Variants in PGCKA1 observed in about 807,000 individuals in gnomAD.
The protein encoded by PGCKA1 is PDCD10 and GCKIII kinases associated 1, also known as PDCD10 and GCKIII kinases-associated protein 1.
At chr4:37,572,765 A>G in the PGCKA1 span, among the ~76,000 whole-genome samples, 31 of 152,286 alleles carry the variant, frequency 2.0e-4, no homozygotes, top group African/African-American at 6.3e-4. Context: ...ATAATTTTAT[A>G]TTTTTAATAA....
chr4:37,464,793 A>G, the PGCKA1 span, among the ~76,000 whole-genome samples: 854 of 152,352 alleles, frequency 5.6e-3, 13 homozygotes, highest in African/African-American at 0.019. Flanking sequence ...AAATGTTTCT[A>G]AATATACCCC....
chr4:37,544,648 T>A, the PGCKA1 span, among the ~76,000 whole-genome samples: 1 of 152,074 alleles, frequency 6.6e-6, no homozygotes, highest in Admixed American at 6.5e-5. Context: ...GGAGCTGTTT[T>A]TTTTGTTCTC....
At chr4:37,578,391 G>A in the PGCKA1 span, among the ~76,000 whole-genome samples, 4 of 152,106 alleles carry the variant, frequency 2.6e-5, no homozygotes, top group Middle Eastern at 3.4e-3. Context: ...GGTTTCCATT[G>A]GCATGGAGCA....
chr4:37,521,284 C>T, the PGCKA1 span, among the ~76,000 whole-genome samples: 1 of 152,168 alleles, frequency 6.6e-6, no homozygotes, highest in South Asian at 2.1e-4. Context: ...AGCCACAGTG[C>T]AGTAGAACAC....
At chr4:37,526,474 G>C in the PGCKA1 span, among the ~76,000 whole-genome samples, 1 of 152,156 alleles carries the variant, frequency 6.6e-6, no homozygotes, top group African/African-American at 2.4e-5. Context: ...ATTTTGTGTA[G>C]ATTTTCTCAT....
the PGCKA1 span, among the ~76,000 whole-genome samples, chr4:37,537,997 C>T: frequency 0.068 from 10,268 of 151,958 alleles, 1,077 homozygotes; most frequent in African/African-American, 0.23. Context: ...CCATCTTCAC[C>T]GTCATCACCA....
At chr4:37,553,853 C>A in the PGCKA1 span, among the ~76,000 whole-genome samples, 1 of 152,214 alleles carries the variant, frequency 6.6e-6, no homozygotes, top group East Asian at 1.9e-4. Flanking sequence ...CAGATAAACA[C>A]TGATGAAACC....
At chr4:37,534,829 C>A in the PGCKA1 span, among the ~76,000 whole-genome samples, 1 of 152,200 alleles carries the variant, frequency 6.6e-6, no homozygotes, top group Non-Finnish European at 1.5e-5. Flanking sequence ...CATTTCCACA[C>A]TTGGGTTTAT....
the PGCKA1 span, among the ~76,000 whole-genome samples, chr4:37,563,639 G>A: frequency 6.6e-6 from 1 of 152,152 alleles, no homozygotes; most frequent in Admixed American, 6.6e-5. Context: ...GGTACTGTAA[G>A]ACTCTGGGAA....
chr4:37,502,216 C>T, the PGCKA1 span, among the ~76,000 whole-genome samples: 4 of 152,196 alleles, frequency 2.6e-5, no homozygotes, highest in East Asian at 1.9e-4. Context: ...GCATCAGGGA[C>T]GGCGGCAGTG....
the PGCKA1 span, among the ~76,000 whole-genome samples, chr4:37,458,557 A>G: frequency 3.3e-3 from 501 of 152,252 alleles, 3 homozygotes; most frequent in African/African-American, 0.01. Context: ...ACCATCGGCC[A>G]TGTCACGTGG....
chr4:37,531,262 C>T, the PGCKA1 span, among the ~76,000 whole-genome samples: 1 of 152,172 alleles, frequency 6.6e-6, no homozygotes, highest in Non-Finnish European at 1.5e-5. Context: ...GCCTCAAAGT[C>T]ACATGACTAT....
the PGCKA1 span, among the ~76,000 whole-genome samples, chr4:37,515,976 C>G: frequency 6.7e-6 from 1 of 150,088 alleles, no homozygotes; most frequent in South Asian, 2.1e-4. Context: ...CATGATACCT[C>G]TATACTTTTT....
At chr4:37,568,256 T>C in the PGCKA1 span, among the ~76,000 whole-genome samples, 1 of 152,238 alleles carries the variant, frequency 6.6e-6, no homozygotes. Context: ...CCAGACATTC[T>C]ACCCTCAGAG....
At chr4:37,467,208 T>TAAA in the PGCKA1 span, among the ~76,000 whole-genome samples, 1 of 152,220 alleles carries the variant, frequency 6.6e-6, no homozygotes, top group Non-Finnish European at 1.5e-5. Context: ...CTTAAGTTTT[T>TAAA]AAAAACTTGT....
chr4:37,461,980 T>G, the PGCKA1 span, among the ~76,000 whole-genome samples: 1 of 152,026 alleles, frequency 6.6e-6, no homozygotes, highest in Non-Finnish European at 1.5e-5. Context: ...CTTCCCAACC[T>G]TCAGGCTGGG....
At chr4:37,494,768 C>T in the PGCKA1 span, among the ~76,000 whole-genome samples, 2 of 152,138 alleles carry the variant, frequency 1.3e-5, no homozygotes, top group Admixed American at 6.5e-5. Context: ...CGCTTTTCTC[C>T]GCAACCTCAC....
At chr4:37,566,934 T>C in the PGCKA1 span, among the ~76,000 whole-genome samples, 13 of 152,162 alleles carry the variant, frequency 8.5e-5, no homozygotes, top group African/African-American at 3.1e-4. Flanking sequence ...AAATAACCGC[T>C]ATATCCTGCC....
the PGCKA1 span, among the ~76,000 whole-genome samples, chr4:37,564,274 CAAAAA>C: frequency 2.2e-5 from 1 of 44,792 alleles, no homozygotes; most frequent in African/African-American, 7.5e-5. Context: ...GACTCTGTCT[CAAAAA>C]AAAAAAAAAA....
Sources: allele counts gnomAD v4.1 joint callset (sites outside exome capture counted in the v4.1 genomes callset), GRCh38; gene constraint gnomAD v4.1.1; transcripts MANE v1.5; gene names NCBI Gene and HGNC (gene_info 2026-07-23, HGNC 2026-07-21).